The following ZBTB43 variants were observed in gnomAD, a reference collection of about 807,000 sequenced individuals.
ZBTB43 encodes the protein zinc finger and BTB domain containing 43.
A neutral mutation model predicts 31.1 loss-of-function variants in ZBTB43; 6 were observed. The ratio of observed to expected loss-of-function variants is 0.19; its 90% confidence interval spans 0.11 to 0.38. The LOEUF (loss-of-function observed/expected upper bound fraction) is 0.38, where lower values mean the gene tolerates loss of function less well. Ranked by LOEUF, ZBTB43 falls within the 10% of genes least tolerant of loss-of-function variation. The pLI is 1.00. For missense variants in ZBTB43, 379 were observed against 602.1 expected (o/e 0.63, Z 3.88); for synonymous variants, 212 against 221.7 (o/e 0.96, Z 0.39).
At position 126,835,318 on chromosome 9, in the gene ZBTB43, C is replaced by G. The variant is rs988339539; in HGVS notation, c.*1405C>G. ...TAGGTTAAAAAGAAAGGTAATATTG[C>G]ACATGCTTTTAAGCTGTGTAACATA... On this transcript the variant is annotated 3_prime_UTR_variant, in exon 3 of 3. Transcript: ENST00000373464. 6.0e-6 allele frequency: 1 copy of G among 167,066 alleles called. No individual in the cohort carries two copies. The highest frequency in any genetic ancestry group is 2.4e-5 in the African/African-American group (1 of 41,444). 10.3% of individuals were successfully genotyped at this position (167,066 alleles called of 1,614,324 possible). A position where few individuals can be genotyped will look rare whatever the true frequency, so the allele number is the denominator to read the frequency against.
In ZBTB43 at chr9:126,832,932, G is replaced by A; in HGVS notation, c.423G>A (p.Gln141=). 6.2e-7 allele frequency: 1 copy of A among 1,613,874 alleles called. No individual in the cohort carries two copies. The highest frequency in any genetic ancestry group is 8.5e-7 in the Non-Finnish European group (1 of 1,180,022). The stretch of plus-strand genomic sequence containing the variant: ...AGCTAAATCATGGCAGTGACCACCA[G>A]TCACCAAGCAGCAGTAGTTATAATG... The part of the protein sequence containing the change: ...CQKLNHGSDH[Q]SPSSSSYNGL... Residue 141 remains glutamine (Q), a synonymous_variant, in exon 3 of 3, where the codon CAG becomes CAA. Coordinates refer to ENST00000373464, the MANE Select transcript of ZBTB43 (RefSeq NM_014007.4).
In ZBTB43 at chr9:126,832,668, C is replaced by T. The variant is rs753304034; in HGVS notation, c.159C>T (p.Ala53=). The T allele has an allele frequency of 6.2e-7, 1 of 1,614,166 alleles. No homozygotes were observed. The highest frequency in any genetic ancestry group is 1.1e-5 in the South Asian group (1 of 91,076). ...GGGCACACAAAGCCGTTCTTGCTGC[C>T]AGTTCACCCTACTTTTGTGACCAGG... ...IFRAHKAVLA[A]SSPYFCDQVL... Residue 53 remains alanine (A), a synonymous_variant, in exon 3 of 3, where the codon GCC becomes GCT. Coordinates refer to ENST00000373464, the MANE Select transcript of ZBTB43 (RefSeq NM_014007.4).
At chr9:126,821,690 G>A (rs916605894) in intron 2 of ZBTB43, among the ~76,000 whole-genome samples, 2 of 152,148 alleles carry the variant, frequency 1.3e-5, no homozygotes, top group Admixed American at 6.5e-5. Context: ...CAAAGAAAAT[G>A]GTTTCTTGAA....
intron 2 of ZBTB43, among the ~76,000 whole-genome samples, chr9:126,820,466 A>G (rs571555240): frequency 6.6e-6 from 1 of 152,316 alleles, no homozygotes; most frequent in South Asian, 2.1e-4. Context: ...GCTTTACTGA[A>G]TATTTTAAGC....
chr9:126,816,158 A>G (rs946877248), intron 2 of ZBTB43, among the ~76,000 whole-genome samples: 4 of 152,154 alleles, frequency 2.6e-5, no homozygotes, highest in East Asian at 1.9e-4. Flanking sequence ...TCTCTCAAGG[A>G]CATTAACGGG....
At chr9:126,822,483 T>C (rs2032535239) in intron 2 of ZBTB43, among the ~76,000 whole-genome samples, 2 of 152,122 alleles carry the variant, frequency 1.3e-5, no homozygotes, top group South Asian at 4.1e-4. Context: ...TGGCTCATGC[T>C]TATAGTTCCA....
At chr9:126,817,651 T>C (rs965978086) in intron 2 of ZBTB43, among the ~76,000 whole-genome samples, 1 of 151,828 alleles carries the variant, frequency 6.6e-6, no homozygotes, top group African/African-American at 2.4e-5. Flanking sequence ...AATTATTTTA[T>C]ATTTTTAGTA....
intron 2 of ZBTB43, among the ~76,000 whole-genome samples, chr9:126,815,218 A>G (rs1404208476): frequency 5.9e-5 from 3 of 50,768 alleles, no homozygotes; most frequent in Non-Finnish European, 1.4e-4. Context: ...ATAAAACTAT[A>G]TATATAGTTT....
intron 2 of ZBTB43, among the ~76,000 whole-genome samples, chr9:126,824,989 G>A (rs1275739473): frequency 6.6e-6 from 1 of 152,120 alleles, no homozygotes; most frequent in Non-Finnish European, 1.5e-5. Flanking sequence ...CTGTCACCTA[G>A]GCTGGAGTAT....
At chr9:126,815,153 T>C (rs2032346645) in intron 2 of ZBTB43, among the ~76,000 whole-genome samples, 2 of 150,828 alleles carry the variant, frequency 1.3e-5, no homozygotes, top group Non-Finnish European at 3.0e-5. Flanking sequence ...TTTTCACATA[T>C]GTATAAAATG....
intron 2 of ZBTB43, among the ~76,000 whole-genome samples, chr9:126,821,332 C>T (rs963410379): frequency 3.3e-5 from 5 of 151,832 alleles, no homozygotes; most frequent in Non-Finnish European, 5.9e-5. Flanking sequence ...GCTGGGATCG[C>T]ACCACTGCAC....
chr9:126,807,422 A>G (rs2032151134), intron 1 of ZBTB43, among the ~76,000 whole-genome samples: 1 of 152,028 alleles, frequency 6.6e-6, no homozygotes. Flanking sequence ...GTGTGTCCAT[A>G]TTTTTTCTAG....
chr9:126,823,664 A>G (rs1478856771), intron 2 of ZBTB43, among the ~76,000 whole-genome samples: 1 of 152,066 alleles, frequency 6.6e-6, no homozygotes, highest in Non-Finnish European at 1.5e-5. Flanking sequence ...TTATTCCTCA[A>G]TTCTTCCATT....
intron 2 of ZBTB43, among the ~76,000 whole-genome samples, chr9:126,814,312 T>G (rs1479378335): frequency 1.3e-5 from 2 of 151,960 alleles, no homozygotes; most frequent in African/African-American, 2.4e-5. Context: ...ACAGATGAAA[T>G]TTACATCTGT....
At chr9:126,820,827 G>C (rs1393063630) in intron 2 of ZBTB43, among the ~76,000 whole-genome samples, 2 of 151,886 alleles carry the variant, frequency 1.3e-5, no homozygotes, top group African/African-American at 4.8e-5. Context: ...AATTAGTGAA[G>C]CGTGGTGTCA....
rs1588350841 is a variant in ZBTB43 at position 126,809,995 on chromosome 9, CGG to C, written c.-24+1081_-24+1082del. 4.6e-5 allele frequency among the ~76,000 whole-genome samples: 7 copies of C among 151,920 alleles called. No homozygotes were observed. In the East Asian group the frequency reaches 1.4e-3, roughly 29 times the overall value. On this transcript the variant is annotated intron_variant, in intron 2 of 2. Coordinates refer to ENST00000373464, the MANE Select transcript of ZBTB43 (RefSeq NM_014007.4). ...GATTACAGGTGCCGGCCACCACACCCGGCTAATTTTTTTGTATTTTTAGTAGA... is the reference window on the plus strand; with the variant it reads ...GATTACAGGTGCCGGCCACCACACCCCTAATTTTTTTGTATTTTTAGTAGA...
rs756144687 is a variant in ZBTB43 at position 126,832,985 on chromosome 9, C to G, written c.476C>G (p.Ser159Cys). ...CTGGTAGAGAGCTTTGAGCTGGGCT[C>G]TGGGGGTCATACTGATTTTCCCAAA... ...NGLVESFELGSGGHTDFPKAQ... is the reference protein window; with the variant it reads ...NGLVESFELGCGGHTDFPKAQ... The change falls in exon 3 of 3, where the codon TCT (serine) becomes TGT (cysteine). Residue 159 changes from serine (S) to cysteine (C), a missense_variant. Ser to Cys is a moderately radical substitution (Grantham distance 112, BLOSUM62 -1). This residue lies in a region of ZBTB43 where 253 missense variants were observed against 322.3 expected (regional missense o/e 0.79). Coordinates refer to ENST00000373464, the MANE Select transcript of ZBTB43 (RefSeq NM_014007.4). The G allele has an allele frequency of 1.2e-6, 2 of 1,613,730 alleles. No homozygotes were observed. The highest frequency in any genetic ancestry group is 1.7e-5 in the Admixed American group (1 of 60,002).
At chr9:126,819,468 T>G (rs903158003) in intron 2 of ZBTB43, among the ~76,000 whole-genome samples, 6 of 152,102 alleles carry the variant, frequency 3.9e-5, no homozygotes, top group Admixed American at 3.9e-4. Flanking sequence ...GATCAGTAAT[T>G]TTTTGATGTT....
Position 126,835,219 on chromosome 9 carries a change from G to GA in ZBTB43, c.*1316dup, listed in dbSNP as rs943452694. 16 of 161,970 alleles carry GA rather than the reference G, an allele frequency of 9.9e-5. No homozygotes were observed. Among genetic ancestry groups the GA allele is most frequent in the African/African-American group, 1.2e-4 (5 of 40,404 alleles). 10.0% of individuals were successfully genotyped at this position (161,970 alleles called of 1,614,324 possible). On this transcript the variant is annotated 3_prime_UTR_variant, in exon 3 of 3. Coordinates refer to ENST00000373464, the MANE Select transcript of ZBTB43 (RefSeq NM_014007.4). ...AAAGTCCACAAAGCTACGCCGACCA[G>GA]AAAAAAAAAATTAAAAAAACAAACA...
Sources: gnomAD v4.1 joint callset for allele counts (sites outside exome capture counted in the v4.1 genomes callset) on GRCh38, gnomAD v4.1.1 for gene constraint, gnomAD v4.1.1 regional missense constraint, MANE v1.5 for transcripts, NCBI Gene and HGNC (gene_info 2026-07-23, HGNC 2026-07-21) for gene names.